Variants in SORBS2 observed in about 807,000 individuals in gnomAD.
The protein encoded by SORBS2 is sorbin and SH3 domain-containing protein 2.
In SORBS2, 46 loss-of-function variants were observed where a neutral mutation model predicts 97.7. The observed-to-expected ratio is 0.47, with a 90% CI of 0.37 to 0.60. The LOEUF (loss-of-function observed/expected upper bound fraction) is 0.60. Ranked by LOEUF, SORBS2 falls within the 20% of genes least tolerant of loss-of-function variation. The pLI is 0.00. For synonymous variants in SORBS2, 476 were observed against 473.4 expected (o/e 1.01, Z -0.07); for missense variants, 1,316 against 1,282.3 (o/e 1.03, Z -0.40).
intron 1 of SORBS2, among the ~76,000 whole-genome samples, chr4:185,932,144 G>T (rs2099266828): frequency 1.3e-5 from 2 of 151,570 alleles, no homozygotes; most frequent in South Asian, 4.2e-4. Flanking sequence ...CTTGGAGGAA[G>T]GGGCCCCAAG....
chr4:185,870,002 C>A (rs2149738341), intron 1 of SORBS2, among the ~76,000 whole-genome samples: 1 of 152,266 alleles, frequency 6.6e-6, no homozygotes, highest in South Asian at 2.1e-4. Context: ...GTTGAAAAAT[C>A]TTTCTTAATT....
intron 1 of SORBS2, among the ~76,000 whole-genome samples, chr4:185,879,050 C>G (rs10028021): frequency 1.3e-5 from 2 of 151,808 alleles, no homozygotes; most frequent in East Asian, 3.9e-4. Flanking sequence ...ACTTTAAGTT[C>G]TAGGGTACAT....
At chr4:185,805,506 CGA>C (rs988238774) in intron 1 of SORBS2, among the ~76,000 whole-genome samples, 13 of 152,154 alleles carry the variant, frequency 8.5e-5, no homozygotes, top group Non-Finnish European at 1.6e-4. Flanking sequence ...CATTCTAAAG[CGA>C]GTCAAGTTTT....
chr4:185,746,131 G>A (rs559187713), intron 2 of SORBS2, among the ~76,000 whole-genome samples: 7 of 152,274 alleles, frequency 4.6e-5, no homozygotes, highest in Admixed American at 6.5e-5. Context: ...TTTTCTCTGC[G>A]CCTCTGGGAC....
At chr4:185,712,992 C>T (rs1456121761) in intron 2 of SORBS2, among the ~76,000 whole-genome samples, 2 of 152,198 alleles carry the variant, frequency 1.3e-5, no homozygotes, top group African/African-American at 2.4e-5. Flanking sequence ...ATTGACATCA[C>T]CTGCGTTCCA....
At chr4:185,663,468 C>G (rs1416584543) in intron 4 of SORBS2, among the ~76,000 whole-genome samples, 1 of 152,176 alleles carries the variant, frequency 6.6e-6, no homozygotes, top group Admixed American at 6.5e-5. Context: ...TTAAATAATT[C>G]TCTAAGCTGT....
chr4:185,800,890 C>CT (rs2099127173), intron 1 of SORBS2, among the ~76,000 whole-genome samples: 3 of 152,286 alleles, frequency 2.0e-5, no homozygotes, highest in Admixed American at 2.0e-4. Flanking sequence ...CACTTCTTAT[C>CT]TTTTTTGTGG....
rs533245016 is a variant in SORBS2, at chr4:185,815,212, A to G, written c.-337-39846T>C. ...TTCTCTAATTACTGACAAATTGAACATCTTTTCATTGTTGATGGTTTTCAG... is the reference window on the plus strand; with the variant it reads ...TTCTCTAATTACTGACAAATTGAACGTCTTTTCATTGTTGATGGTTTTCAG... On this transcript the variant is annotated intron_variant, in intron 1 of 20. Coordinates refer to the SORBS2 transcript ENST00000284776. Among the ~76,000 whole-genome samples the G allele has an allele frequency of 2.0e-4, 30 of 152,336 alleles. No homozygotes were observed. The South Asian group carries it at 6.2e-3, about 32-fold the overall frequency.
intron 1 of SORBS2, among the ~76,000 whole-genome samples, chr4:185,815,814 C>A (rs2099192948): frequency 6.6e-6 from 1 of 152,134 alleles, no homozygotes; most frequent in Non-Finnish European, 1.5e-5. Context: ...CCTGATGAAT[C>A]TTAAATGAGA....
intron 2 of SORBS2, among the ~76,000 whole-genome samples, chr4:185,694,288 T>C (rs2098139213): frequency 6.6e-6 from 1 of 152,144 alleles, no homozygotes; most frequent in Non-Finnish European, 1.5e-5. Context: ...ATTCCTAGAG[T>C]CTTTGCATGC....
chr4:185,796,492 G>A lies in SORBS2; in HGVS notation c.-337-21126C>T, dbSNP rs562723061. ...CACGCTGCTCCCTGGTCACGGTGAG[G>A]CTGGGCATGCCTGGGCGCTGTGGCC... On this transcript the variant is annotated intron_variant, in intron 1 of 20. Transcript: ENST00000284776. 2.1e-3 allele frequency among the ~76,000 whole-genome samples: 316 copies of A among 147,080 alleles called. 9 individuals are homozygous for A. Among genetic ancestry groups the A allele is most frequent in the Admixed American group, 0.019 (276 of 14,714 alleles).
chr4:185,666,116 G>C, intron 4 of SORBS2: 1 of 1,289,770 alleles, frequency 7.8e-7, no homozygotes, highest in Non-Finnish European at 1.0e-6. Flanking sequence ...ACGGAAGGAG[G>C]GCACGGAGGA....
At chr4:185,645,068 A>G (rs1488057235) in intron 4 of SORBS2, among the ~76,000 whole-genome samples, 1 of 152,202 alleles carries the variant, frequency 6.6e-6, no homozygotes, top group Non-Finnish European at 1.5e-5. Context: ...GTGCTCAGTC[A>G]GTTTTACTGA....
chr4:185,950,248 CAA>C (rs10655336), intron 1 of SORBS2, among the ~76,000 whole-genome samples: 2 of 147,176 alleles, frequency 1.4e-5, no homozygotes, highest in Admixed American at 6.7e-5. Flanking sequence ...AAGACTGTCT[CAA>C]AAAAAAAAAA....
intron 1 of SORBS2, chr4:185,775,781 TAAG>T (rs2098997159): frequency 6.6e-6 from 1 of 152,244 alleles, no homozygotes; most frequent in African/African-American, 2.4e-5. Flanking sequence ...TAGGGGGTCT[TAAG>T]AAATAGTTGA....
rs141594328 is a variant in SORBS2 at position 185,692,522 on chromosome 4, A to G, written c.-197-13700T>C. Among the ~76,000 whole-genome samples, 4 of 152,204 alleles carry G rather than the reference A, an allele frequency of 2.6e-5. No individual in the cohort carries two copies. In the East Asian group the frequency reaches 7.7e-4, roughly 29 times the overall value. Reference sequence around the variant, plus strand: ...CCCTTCTGACCATTTCCTCTGCTCAACTCACAACTATTATTTTCTTTCAAT... The same window carrying G: ...CCCTTCTGACCATTTCCTCTGCTCAGCTCACAACTATTATTTTCTTTCAAT... On this transcript the variant is annotated intron_variant, in intron 2 of 20. Coordinates refer to the SORBS2 transcript ENST00000284776.
intron 1 of SORBS2, among the ~76,000 whole-genome samples, chr4:185,878,659 T>G (rs760407154): frequency 5.3e-5 from 8 of 152,190 alleles, no homozygotes; most frequent in Non-Finnish European, 1.0e-4. Context: ...CCTTCCTGAC[T>G]GGGACCCGCT....
intron 1 of SORBS2, among the ~76,000 whole-genome samples, chr4:185,877,871 AAAC>A (rs754264963): frequency 0.06 from 8,339 of 138,858 alleles, 535 homozygotes; most frequent in East Asian, 0.15. Context: ...CTCTGTCAAA[AAAC>A]AAAAAAAAAA....
In SORBS2 at chr4:185,940,921, T is replaced by A. The variant is rs559418267; in HGVS notation, c.-338+15275A>T. Among the ~76,000 whole-genome samples, 4 of 152,246 alleles carry A rather than the reference T, an allele frequency of 2.6e-5. No homozygotes were observed. The South Asian group carries it at 6.2e-4, about 24-fold the overall frequency. On this transcript the variant is annotated intron_variant, in intron 1 of 20. Transcript: ENST00000284776. ...TTGCCTCCCTAGGGGCATTTAGCAA[T>A]GGATAGAGACATTTTTGGTGGTCGT...
Sources: gnomAD v4.1 joint callset for allele counts (sites outside exome capture counted in the v4.1 genomes callset) on GRCh38, gnomAD v4.1.1 for gene constraint, MANE v1.5 for transcripts, NCBI Gene and HGNC (gene_info 2026-07-23, HGNC 2026-07-21) for gene names.